POU2F3: variants seen among roughly 807,000 people sequenced by gnomAD.
POU2F3 encodes the protein POU domain, class 2, transcription factor 3.
In POU2F3, 23 loss-of-function variants were observed where a neutral mutation model predicts 59.2. That is an observed-to-expected ratio of 0.39 (90% confidence interval 0.28 to 0.55). POU2F3 has a LOEUF of 0.55. POU2F3 is among the 20% of genes least tolerant of loss of function. The pLI, the probability that POU2F3 is intolerant of heterozygous loss-of-function variation, is 0.66. For missense variants in POU2F3, 473 were observed against 544.5 expected, an observed-to-expected ratio of 0.87 and a Z score of 1.31; for synonymous variants, 190 against 214.6, an observed-to-expected ratio of 0.89 and a Z score of 1.00.
chr11:120,273,464 T>C (rs1940165913), intron 3 of POU2F3, among the ~76,000 whole-genome samples: 1 of 152,182 alleles, frequency 6.6e-6, no homozygotes, highest in Admixed American at 6.5e-5. Flanking sequence ...GCCTAGGGGA[T>C]AGTGAGTTGT....
At chr11:120,306,496 G>C (rs1003916765) in intron 8 of POU2F3, among the ~76,000 whole-genome samples, 1 of 152,144 alleles carries the variant, frequency 6.6e-6, no homozygotes, top group African/African-American at 2.4e-5. Context: ...AGGATGTTTT[G>C]AGCATCCCTG....
chr11:120,275,779 C>T (rs1940292790), intron 3 of POU2F3, among the ~76,000 whole-genome samples: 1 of 152,170 alleles, frequency 6.6e-6, no homozygotes, highest in Non-Finnish European at 1.5e-5. Context: ...GCACCAATGG[C>T]TCTCCCATGC....
intron 2 of POU2F3, chr11:120,256,048 A>G (rs1453881352): frequency 6.6e-6 from 1 of 152,222 alleles, no homozygotes; most frequent in East Asian, 1.9e-4. Flanking sequence ...GAGTTTGTGC[A>G]TAAGACGAAG....
chr11:120,240,490 G>C, intron 1 of POU2F3, 119 bp downstream of exon 1: 1 of 1,231,738 alleles, frequency 8.1e-7, no homozygotes, highest in Non-Finnish European at 1.0e-6. Flanking sequence ...GGAGAGGGCG[G>C]TGTGGATAGC....
At chr11:120,309,363 C>A in intron 9 of POU2F3, 62 bp from the exon 10 acceptor site, 2 of 1,491,296 alleles carry the variant, frequency 1.3e-6, no homozygotes, top group Non-Finnish European at 1.9e-6. Context: ...TTCTTTGGGA[C>A]CTCTGTTCCC....
chr11:120,299,231 A>G (rs914907038), intron 4 of POU2F3, among the ~76,000 whole-genome samples: 36 of 152,232 alleles, frequency 2.4e-4, no homozygotes, highest in Admixed American at 4.6e-4. Context: ...ACCAGGTGGC[A>G]TGAGATTTAA....
intron 3 of POU2F3, among the ~76,000 whole-genome samples, chr11:120,278,644 G>A (rs1053380301): frequency 2.0e-5 from 3 of 152,180 alleles, no homozygotes; most frequent in Non-Finnish European, 2.9e-5. Flanking sequence ...GTAAACCAGC[G>A]CCACCCCCAC....
At chr11:120,242,406 TGGGTCCCTCTCTA>T (rs940756860) in intron 1 of POU2F3, among the ~76,000 whole-genome samples, 2 of 152,218 alleles carry the variant, frequency 1.3e-5, no homozygotes, top group Non-Finnish European at 2.9e-5. Flanking sequence ...TATCTCATTA[TGGGTCCCTCTCTA>T]GGGTCCCTTA....
At position 120,297,076 on chromosome 11, in the gene POU2F3, A is replaced by C. The variant is rs191374042; in HGVS notation, c.133-1189A>C. Among the ~76,000 whole-genome samples the C allele has an allele frequency of 5.2e-4, 79 of 152,326 alleles. 1 individual carries two copies. Among genetic ancestry groups the C allele is most frequent in the African/African-American group, 1.8e-3 (73 of 41,572 alleles). On this transcript the variant is annotated intron_variant, in intron 3 of 12. Transcript: ENST00000543440. ...TTAAGCCAGCATCTCTATGGCTAAG[A>C]GTTTCTATCTGGATAGGGAACAACC...
At chr11:120,240,510 TG>T in intron 1 of POU2F3, 139 bp downstream of exon 1, 1 of 954,150 alleles carries the variant, frequency 1.0e-6, no homozygotes. Context: ...CGGGTTGTCC[TG>T]GGGTGGGTGC....
At chr11:120,246,176 G>C (rs1938866837) in intron 1 of POU2F3, among the ~76,000 whole-genome samples, 1 of 152,166 alleles carries the variant, frequency 6.6e-6, no homozygotes, top group African/African-American at 2.4e-5. Flanking sequence ...ATAGAAGCAA[G>C]TGGCCATGAA....
At chr11:120,262,961 TA>T (rs1351614319) in intron 2 of POU2F3, among the ~76,000 whole-genome samples, 1 of 120,158 alleles carries the variant, frequency 8.3e-6, no homozygotes, top group Admixed American at 9.0e-5. Flanking sequence ...CTTATTTATT[TA>T]ATTTATTTAT....
rs560464135 is a variant in POU2F3 at position 120,251,778 on chromosome 11, T to G, written c.97+5261T>G. 3.1e-3 allele frequency among the ~76,000 whole-genome samples: 463 copies of G among 151,748 alleles called. 6 individuals are homozygous for G. The highest frequency in any genetic ancestry group is 0.011 in the African/African-American group (439 of 41,414). ...ATCTCTAAGAAAAACCAACCCCACG[T>G]TTTCTCTTGGCTGCCTTTTTTTTTT... On this transcript the variant is annotated intron_variant, in intron 2 of 12. Transcript: ENST00000543440.
At chr11:120,257,655 A>G (rs1393502321) in intron 2 of POU2F3, among the ~76,000 whole-genome samples, 1 of 152,020 alleles carries the variant, frequency 6.6e-6, no homozygotes, top group African/African-American at 2.4e-5. Context: ...CACGTCATGG[A>G]AAGGACATGG....
chr11:120,251,270 G>A (rs939643175), intron 2 of POU2F3, among the ~76,000 whole-genome samples: 3 of 152,194 alleles, frequency 2.0e-5, no homozygotes, highest in South Asian at 2.1e-4. Flanking sequence ...CACCATGCCC[G>A]GCTGACAACC....
chr11:120,241,985 C>G (rs930652907), intron 1 of POU2F3, among the ~76,000 whole-genome samples: 1 of 152,150 alleles, frequency 6.6e-6, no homozygotes, highest in Non-Finnish European at 1.5e-5. Flanking sequence ...CCACCCTGTC[C>G]CTGTGAGCAG....
chr11:120,314,831 A>G, intron 10 of POU2F3, among the ~76,000 whole-genome samples: 1 of 152,144 alleles, frequency 6.6e-6, no homozygotes, highest in Admixed American at 6.5e-5. Flanking sequence ...AGCTTCAGAG[A>G]CCAAAGTTCA....
intron 2 of POU2F3, chr11:120,250,008 T>C (rs1466018198): frequency 2.6e-5 from 4 of 152,252 alleles, no homozygotes; most frequent in Non-Finnish European, 5.9e-5. Flanking sequence ...TTTCCCCACA[T>C]GGACCTTCAT....
At chr11:120,317,043 G>C in intron 11 of POU2F3, 186 bp from the exon 12 acceptor site, 1 of 651,724 alleles carries the variant, frequency 1.5e-6, no homozygotes. Context: ...TGTGACGACA[G>C]CCCCTCTGGG....
Sources: allele counts gnomAD v4.1 joint callset (sites outside exome capture counted in the v4.1 genomes callset), GRCh38; gene constraint gnomAD v4.1.1; transcripts MANE v1.5; gene names NCBI Gene and HGNC (gene_info 2026-07-23, HGNC 2026-07-21).